The following SOS2 variants were observed in gnomAD, a reference collection of about 807,000 sequenced individuals.
The protein encoded by SOS2 is SOS Ras/Rho guanine nucleotide exchange factor 2.
SOS2 carries 65 observed loss-of-function variants against 148.2 expected under a neutral mutation model. The observed-to-expected ratio is 0.44, with a 90% CI of 0.36 to 0.54. The LOEUF (loss-of-function observed/expected upper bound fraction) is 0.54, where lower values mean the gene tolerates loss of function less well. SOS2 is among the 20% of genes least tolerant of loss of function. The pLI is 0.00. For missense variants in SOS2, 1,341 were observed against 1,590.2 expected (o/e 0.84, Z 2.67); for synonymous variants, 539 against 537.1 (o/e 1.00, Z -0.05).
rs1214437446 is a variant in SOS2, at chr14:50,231,392, C to T, written c.-109G>A. On this transcript the variant is annotated 5_prime_UTR_variant, in exon 1 of 23. Transcript: ENST00000216373. ...CTCGCCGGCGGCCGCCGCCTCCCGC[C>T]CGGGCCGAGGCTACGGCCGAGGCGG... is the stretch of plus-strand genomic sequence containing the variant. The T allele has an allele frequency of 2.5e-5, 6 of 243,814 alleles. No homozygotes were observed. Among genetic ancestry groups the T allele is most frequent in the Non-Finnish European group, 3.3e-5 (5 of 152,394 alleles). 15.1% of individuals were successfully genotyped at this position (243,814 alleles called of 1,614,324 possible). A position where few individuals can be genotyped will look rare whatever the true frequency, so the allele number is the denominator to read the frequency against.
At chr14:50,141,489 C>A (rs117691084) in intron 16 of SOS2, among the ~76,000 whole-genome samples, 3,328 of 152,054 alleles carry the variant, frequency 0.022, 51 homozygotes, top group South Asian at 0.038. Context: ...CCACTGTACT[C>A]CAGCCTGGGT....
intron 1 of SOS2, among the ~76,000 whole-genome samples, chr14:50,206,602 T>C (rs1393339130): frequency 6.6e-6 from 1 of 152,212 alleles, no homozygotes; most frequent in East Asian, 1.9e-4. Flanking sequence ...ATACTGTTGA[T>C]CTGAGGTTGG....
Position 50,180,821 on chromosome 14 carries a change from C to A in SOS2, c.859-139G>T. 5 of 485,200 alleles carry A rather than the reference C, an allele frequency of 1.0e-5. No individual in the cohort carries two copies. The South Asian group carries it at 1.4e-4, about 14-fold the overall frequency. The allele number at this position is 485,200 out of a possible 1,614,324, so 30.1% of individuals were successfully genotyped here. A position where few individuals can be genotyped will look rare whatever the true frequency, so the allele number is the denominator to read the frequency against. On this transcript the variant is annotated intron_variant, in intron 6 of 22. Transcript: ENST00000216373. Reference sequence around the variant, plus strand: ...TTGTGCCACTATATTCCAGCTCGAGCAACAGAGTGAAACCCTGTCTCAAAA... The same window carrying A: ...TTGTGCCACTATATTCCAGCTCGAGAAACAGAGTGAAACCCTGTCTCAAAA...
At chr14:50,124,528 T>C (rs1031605863) in intron 21 of SOS2, among the ~76,000 whole-genome samples, 2 of 152,226 alleles carry the variant, frequency 1.3e-5, no homozygotes, top group Non-Finnish European at 2.9e-5. Flanking sequence ...TGAACATTTT[T>C]ATGGTTTGAT....
intron 8 of SOS2, among the ~76,000 whole-genome samples, chr14:50,168,107 A>G (rs1331827567): frequency 6.6e-6 from 1 of 152,162 alleles, no homozygotes. Context: ...TATTCTTTCC[A>G]TTACTAAATT....
rs762097372 is a variant in SOS2, at chr14:50,120,290, A to T, written c.3474T>A (p.Asp1158Glu). 2 of 1,575,394 alleles carry T rather than the reference A, an allele frequency of 1.3e-6. No individual in the cohort carries two copies. Among genetic ancestry groups the T allele is most frequent in the South Asian group, 2.2e-5 (2 of 89,378 alleles). The part of the protein sequence containing the change: ...PLPPRKKFDH[D>E]ASNSKGNMKS... ...TGTTGATTACCTTGGAATTTGAAGCATCATGATCAAACTTTTTTCGAGGAG... is the reference window on the plus strand; with the variant it reads ...TGTTGATTACCTTGGAATTTGAAGCTTCATGATCAAACTTTTTTCGAGGAG... The change falls in exon 22 of 23, where the codon GAT becomes GAA. Residue 1158 changes from aspartate (D) to glutamate (E), a missense_variant. Physicochemically the swap from Asp to Glu is conservative, Grantham distance 45. This residue lies in a region of SOS2 where 354 missense variants were observed against 347.7 expected (regional missense o/e 1.02). Coordinates refer to ENST00000216373, the MANE Select transcript of SOS2 (RefSeq NM_006939.4).
At chr14:50,209,796 A>T (rs1229403509) in intron 1 of SOS2, among the ~76,000 whole-genome samples, 1 of 152,154 alleles carries the variant, frequency 6.6e-6, no homozygotes, top group Non-Finnish European at 1.5e-5. Context: ...TAGAATTTAA[A>T]ATACCGTGTA....
At chr14:50,122,391 CTTTTTTTT>C (rs71118839) in intron 21 of SOS2, among the ~76,000 whole-genome samples, 1 of 88,308 alleles carries the variant, frequency 1.1e-5, no homozygotes, top group Non-Finnish European at 2.0e-5. Context: ...GAACCCTGGG[CTTTTTTTT>C]TTTTTTTTTT....
At position 50,160,379 on chromosome 14, in the gene SOS2, CTTTTTTTTTTTTTTT is replaced by C. The variant is rs200021758; in HGVS notation, c.1197-308_1197-294del. 3.5e-4 allele frequency among the ~76,000 whole-genome samples: 28 copies of C among 78,928 alleles called. 1 individual carries two copies. The highest frequency in any genetic ancestry group is 3.0e-3 in the South Asian group (6 of 2,004). 51.8% of individuals were successfully genotyped at this position (78,928 alleles called of 152,430 possible). ...ATCCTAATAATATAACAATGCTAAT[CTTTTTTTTTTTTTTT>C]TTTTTTTTTTTTTTTTTTTGGAGCT... is the stretch of plus-strand genomic sequence containing the variant. On this transcript the variant is annotated intron_variant, in intron 9 of 22. Transcript: ENST00000216373.
At chr14:50,147,227 C>T (rs1884514995) in intron 14 of SOS2, among the ~76,000 whole-genome samples, 1 of 150,978 alleles carries the variant, frequency 6.6e-6, no homozygotes, top group Non-Finnish European at 1.5e-5. Flanking sequence ...AACAAAAAAC[C>T]AGTTGGGCAC....
At chr14:50,155,915 T>A (rs935049242) in intron 12 of SOS2, 1 of 152,198 alleles carries the variant, frequency 6.6e-6, no homozygotes, top group African/African-American at 2.4e-5. Context: ...TACTTATTTA[T>A]TGCTGATACA....
intron 13 of SOS2, among the ~76,000 whole-genome samples, chr14:50,152,320 T>C (rs1401012220): frequency 2.0e-5 from 3 of 152,064 alleles, no homozygotes. Context: ...AAACTTAAAA[T>C]AGAAAACTCC....
chr14:50,161,236 G>C (rs1343932445), intron 9 of SOS2, among the ~76,000 whole-genome samples: 2 of 150,450 alleles, frequency 1.3e-5, no homozygotes, highest in Non-Finnish European at 3.0e-5. Context: ...AAGGCTGCAG[G>C]TTGCAGTGAG....
In SOS2 at chr14:50,159,689, T is replaced by A. The variant is rs756469497; in HGVS notation, c.1594A>T (p.Lys532Ter). 2 of 1,614,088 alleles carry A rather than the reference T, an allele frequency of 1.2e-6. No homozygotes were observed. Among genetic ancestry groups the A allele is most frequent in the Non-Finnish European group, 1.7e-6 (2 of 1,180,048 alleles). ...IIFAAKSAEE[K>*]NNWMAALISL... ...ATAAGGGCTGCCATCCAGTTGTTTT[T>A]TTCTTCAGCAGACTTAGCAGCAAAT... Residue 532 changes from lysine to a stop codon, truncating the protein, a stop_gained, in exon 10 of 23, where the codon AAA (lysine) becomes TAA (stop). Transcript: ENST00000216373. LOFTEE classifies it high-confidence loss of function.
At chr14:50,193,857 G>A (rs1386018070) in intron 4 of SOS2, among the ~76,000 whole-genome samples, 1 of 151,770 alleles carries the variant, frequency 6.6e-6, no homozygotes, top group Non-Finnish European at 1.5e-5. Context: ...CAATTCTTGT[G>A]CCTCAGCCTC....
rs530097396 is a variant in SOS2, at chr14:50,172,480, C to A, written c.1068+1974G>T. 2.3e-5 allele frequency among the ~76,000 whole-genome samples: 3 copies of A among 131,842 alleles called. No homozygotes were observed. The Admixed American group carries it at 2.7e-4, about 12-fold the overall frequency. 86.5% of individuals were successfully genotyped at this position (131,842 alleles called of 152,430 possible). On this transcript the variant is annotated intron_variant, in intron 8 of 22. Transcript: ENST00000216373. ...TTGTCCAAGCTGTCTCCTGCCTCAG[C>A]CTCCTGAGTAGCTGGGATTACAGGC...
intron 7 of SOS2, among the ~76,000 whole-genome samples, chr14:50,175,428 CT>C (rs71441277): frequency 0.25 from 30,203 of 119,654 alleles, 3,214 homozygotes; most frequent in East Asian, 0.41. Flanking sequence ...AGGAGTAATA[CT>C]TTTTTTTTTT....
Position 50,174,608 on chromosome 14 carries a change from C to G in SOS2, c.970-56G>C, listed in dbSNP as rs1393327958. The G allele has an allele frequency of 4.0e-6, 4 of 1,005,016 alleles. No homozygotes were observed. In the Admixed American group the frequency reaches 8.1e-5, roughly 20 times the overall value. 62.3% of individuals were successfully genotyped at this position (1,005,016 alleles called of 1,614,324 possible). On this transcript the variant is annotated intron_variant, in intron 7 of 22. Transcript: ENST00000216373. Reference sequence around the variant, plus strand: ...TGTCTCTGACATCAAGGATATGCAACAGCAGTGCCTAACAGAAACGTCTAC... The same window carrying G: ...TGTCTCTGACATCAAGGATATGCAAGAGCAGTGCCTAACAGAAACGTCTAC...
intron 4 of SOS2, among the ~76,000 whole-genome samples, chr14:50,192,970 C>A (rs937012630): frequency 1.3e-5 from 2 of 152,096 alleles, no homozygotes; most frequent in Non-Finnish European, 2.9e-5. Flanking sequence ...TTCCTCAGAG[C>A]AGCTTTGTGC....
Sources: gnomAD v4.1 joint callset for allele counts (sites outside exome capture counted in the v4.1 genomes callset) on GRCh38, gnomAD v4.1.1 for gene constraint, gnomAD v4.1.1 regional missense constraint, MANE v1.5 for transcripts, NCBI Gene and HGNC (gene_info 2026-07-23, HGNC 2026-07-21) for gene names.